The following CNTNAP2 variants were observed in gnomAD, a reference collection of about 807,000 sequenced individuals.
The protein encoded by CNTNAP2 is contactin associated protein 2, also known as contactin-associated protein-like 2.
In CNTNAP2, 98 loss-of-function variants were observed where a neutral mutation model predicts 155.2. The observed-to-expected ratio is 0.63, with a 90% CI of 0.54 to 0.75. CNTNAP2 has a LOEUF of 0.75. Among genes scored for constraint, CNTNAP2 ranks in the 30% least tolerant of loss-of-function variants. CNTNAP2 has a pLI of 0.00. For synonymous variants in CNTNAP2, 651 were observed against 631.2 expected (o/e 1.03, Z -0.47); for missense variants, 1,727 against 1,688.1 (o/e 1.02, Z -0.40).
intron 8 of CNTNAP2, among the ~76,000 whole-genome samples, chr7:147,177,876 G>A (rs911007431): frequency 6.6e-6 from 1 of 152,066 alleles, no homozygotes; most frequent in African/African-American, 2.4e-5. Flanking sequence ...AACTGAGGTG[G>A]GATTTTTTTG....
In CNTNAP2 at chr7:148,119,224, T is replaced by A. The variant is rs895479809; in HGVS notation, c.2554+936T>A. Among the ~76,000 whole-genome samples the A allele has an allele frequency of 2.0e-5, 3 of 152,060 alleles. No homozygotes were observed. The South Asian group carries it at 6.2e-4, about 32-fold the overall frequency. ...AAACCTCAGCCTTACACTCAGCATA[T>A]CAAAAAGTCTCCCTTCCGGCCAGGC... On this transcript the variant is annotated intron_variant, in intron 16 of 23. Coordinates refer to ENST00000361727, the MANE Select transcript of CNTNAP2 (RefSeq NM_014141.6).
At chr7:147,946,722 G>A (rs1308977055) in intron 14 of CNTNAP2, among the ~76,000 whole-genome samples, 1 of 152,064 alleles carries the variant, frequency 6.6e-6, no homozygotes, top group Admixed American at 6.5e-5. Context: ...AGGCCACAGT[G>A]GGATATTCTC....
intron 1 of CNTNAP2, among the ~76,000 whole-genome samples, chr7:146,374,447 C>T (rs946106181): frequency 1.3e-5 from 2 of 152,006 alleles, no homozygotes; most frequent in Admixed American, 6.6e-5. Context: ...CTAAGAAAAA[C>T]GGGATGACTA....
chr7:147,429,741 G>A (rs925693617), intron 10 of CNTNAP2, among the ~76,000 whole-genome samples: 1 of 152,106 alleles, frequency 6.6e-6, no homozygotes, highest in African/African-American at 2.4e-5. Context: ...TTTGTATAAA[G>A]TGAGAGATGA....
At chr7:147,631,416 A>T (rs1401767411) in intron 12 of CNTNAP2, among the ~76,000 whole-genome samples, 1 of 152,172 alleles carries the variant, frequency 6.6e-6, no homozygotes, top group Non-Finnish European at 1.5e-5. Flanking sequence ...TGCCAAAATC[A>T]ATCTACAGAT....
At chr7:147,040,462 T>A (rs896615908) in intron 3 of CNTNAP2, among the ~76,000 whole-genome samples, 1 of 139,396 alleles carries the variant, frequency 7.2e-6, no homozygotes, top group Non-Finnish European at 1.6e-5. Context: ...TTTTTTTTTT[T>A]TTTTTTTTTT....
chr7:146,390,834 C>T (rs945582699), intron 1 of CNTNAP2, among the ~76,000 whole-genome samples: 9 of 137,912 alleles, frequency 6.5e-5, no homozygotes, highest in Admixed American at 1.6e-4. Context: ...TTTGGGAGGC[C>T]GAGGTGGGCG....
chr7:148,181,115 G>A (rs919024417), intron 18 of CNTNAP2, among the ~76,000 whole-genome samples: 1 of 152,144 alleles, frequency 6.6e-6, no homozygotes, highest in African/African-American at 2.4e-5. Context: ...TTACACCATT[G>A]GCTTCTTTTG....
intron 1 of CNTNAP2, among the ~76,000 whole-genome samples, chr7:146,463,572 G>T (rs770546607): frequency 6.6e-6 from 1 of 151,008 alleles, no homozygotes; most frequent in African/African-American, 2.4e-5. Context: ...ACACATATAC[G>T]TACATATATA....
intron 12 of CNTNAP2, among the ~76,000 whole-genome samples, chr7:147,628,139 GGAA>G: frequency 2.0e-5 from 3 of 152,004 alleles, no homozygotes; most frequent in African/African-American, 7.2e-5. Flanking sequence ...AGAACACCTG[GGAA>G]ATTCATTCCA....
At chr7:147,304,724 A>G (rs146915993) in intron 9 of CNTNAP2, among the ~76,000 whole-genome samples, 1 of 152,290 alleles carries the variant, frequency 6.6e-6, no homozygotes, top group African/African-American at 2.4e-5. Flanking sequence ...ATGAAGTTTA[A>G]TAAGAGGGCA....
At chr7:147,692,327 CTT>C (rs1299623251) in intron 13 of CNTNAP2, among the ~76,000 whole-genome samples, 3 of 152,064 alleles carry the variant, frequency 2.0e-5, no homozygotes, top group Non-Finnish European at 4.4e-5. Context: ...CTTGCACAGA[CTT>C]TTGTGTGAAC....
At chr7:147,533,247 AAT>A (rs1476978567) in intron 11 of CNTNAP2, among the ~76,000 whole-genome samples, 2 of 152,210 alleles carry the variant, frequency 1.3e-5, no homozygotes, top group Admixed American at 1.3e-4. Context: ...ATTCAAAGAT[AAT>A]GTTTATTCAT....
At chr7:146,215,629 T>TA (rs1477401796) in intron 1 of CNTNAP2, among the ~76,000 whole-genome samples, 5 of 128,500 alleles carry the variant, frequency 3.9e-5, no homozygotes, top group Admixed American at 2.3e-4. Context: ...TATATATATA[T>TA]TTTTTTACTT....
chr7:147,648,070 T>C (rs551670311), intron 13 of CNTNAP2, among the ~76,000 whole-genome samples: 109 of 152,216 alleles, frequency 7.2e-4, no homozygotes, highest in African/African-American at 2.6e-3. Flanking sequence ...GGTACGAGGA[T>C]GGCTACATGT....
At chr7:148,132,721 C>T (rs777209051) in intron 16 of CNTNAP2, among the ~76,000 whole-genome samples, 89 of 152,266 alleles carry the variant, frequency 5.8e-4, no homozygotes, top group Non-Finnish European at 5.3e-4. Flanking sequence ...TTTTTATTTG[C>T]CTTTTTGATA....
At chr7:146,875,906 GCACACA>G (rs144916213) in intron 3 of CNTNAP2, among the ~76,000 whole-genome samples, 6 of 92,890 alleles carry the variant, frequency 6.5e-5, no homozygotes, top group East Asian at 3.6e-4. Context: ...ATACACACAC[GCACACA>G]CACACACACA....
At chr7:146,528,404 G>A (rs1797722059) in intron 1 of CNTNAP2, among the ~76,000 whole-genome samples, 1 of 152,100 alleles carries the variant, frequency 6.6e-6, no homozygotes, top group African/African-American at 2.4e-5. Flanking sequence ...AAGGTTAAAT[G>A]AAATAAGACG....
intron 3 of CNTNAP2, among the ~76,000 whole-genome samples, chr7:146,873,392 G>A (rs1264176162): frequency 6.6e-6 from 1 of 152,096 alleles, no homozygotes; most frequent in East Asian, 1.9e-4. Flanking sequence ...TCACAAAATT[G>A]GTCTGGCTCT....
Sources: gnomAD v4.1 joint callset for allele counts (sites outside exome capture counted in the v4.1 genomes callset) on GRCh38, gnomAD v4.1.1 for gene constraint, MANE v1.5 for transcripts, NCBI Gene and HGNC (gene_info 2026-07-23, HGNC 2026-07-21) for gene names.